Variants in CNTN4 observed in about 807,000 individuals in gnomAD.
CNTN4 encodes contactin 4.
Under a neutral mutation model 122.5 loss-of-function variants are expected in CNTN4, and 77 were observed. That is an observed-to-expected ratio of 0.63 (90% CI 0.52 to 0.76). The LOEUF is 0.76. Among genes scored for constraint, CNTN4 ranks in the 30% least tolerant of loss-of-function variants. The pLI, the probability that CNTN4 is intolerant of heterozygous loss-of-function variation, is 0.00. For synonymous variants in CNTN4, 512 were observed against 447.0 expected, an observed-to-expected ratio of 1.15 and a Z score of -1.83; for missense variants, 1,256 against 1,259.1, an observed-to-expected ratio of 1.00 and a Z score of 0.04.
chr3:2,425,474 C>G (rs1337077729), intron 3 of CNTN4, among the ~76,000 whole-genome samples: 1 of 152,112 alleles, frequency 6.6e-6, no homozygotes, highest in Non-Finnish European at 1.5e-5. Flanking sequence ...GTTACTGTAG[C>G]CTTGTAGTAT....
At chr3:3,047,454 G>A (rs968811372) in intron 23 of CNTN4, among the ~76,000 whole-genome samples, 5 of 151,882 alleles carry the variant, frequency 3.3e-5, no homozygotes, top group African/African-American at 1.2e-4. Flanking sequence ...GATCAAACTA[G>A]AACTCAGGAT....
At chr3:2,415,745 A>G (rs913757120) in intron 3 of CNTN4, among the ~76,000 whole-genome samples, 38 of 152,104 alleles carry the variant, frequency 2.5e-4, no homozygotes, top group African/African-American at 8.7e-4. Flanking sequence ...CTAAACAATA[A>G]AGTACTCCAT....
intron 3 of CNTN4, among the ~76,000 whole-genome samples, chr3:2,448,090 T>G (rs1354615010): frequency 6.6e-6 from 1 of 152,102 alleles, no homozygotes; most frequent in African/African-American, 2.4e-5. Context: ...TTGTGCCTGG[T>G]GGGATCATGG....
intron 13 of CNTN4, among the ~76,000 whole-genome samples, chr3:2,961,247 A>AAAAAAAAAAAAAAAAAAAAAAAAAAAT (rs2094855798): frequency 6.8e-6 from 1 of 147,710 alleles, no homozygotes. Flanking sequence ...AAAAAAAAAA[A>AAAAAAAAAAAAAAAAAAAAAAAAAAAT]AAAGGCCTAC....
At chr3:2,184,923 T>A (rs1260280344) in intron 2 of CNTN4, among the ~76,000 whole-genome samples, 2 of 152,190 alleles carry the variant, frequency 1.3e-5, no homozygotes, top group Non-Finnish European at 2.9e-5. Context: ...AAAATTCAGG[T>A]CCTCAAAATC....
chr3:2,749,744 C>A (rs903288377), intron 6 of CNTN4, among the ~76,000 whole-genome samples: 1 of 152,080 alleles, frequency 6.6e-6, no homozygotes, highest in African/African-American at 2.4e-5. Flanking sequence ...TGGAGTTTAT[C>A]TTTTTGATCA....
intron 4 of CNTN4, among the ~76,000 whole-genome samples, chr3:2,670,163 C>A (rs1446371425): frequency 6.6e-6 from 1 of 152,138 alleles, no homozygotes; most frequent in African/African-American, 2.4e-5. Context: ...CTTTCTGTCT[C>A]ATTGATCTGT....
intron 2 of CNTN4, among the ~76,000 whole-genome samples, chr3:2,197,268 G>A (rs371422653): frequency 6.6e-6 from 1 of 152,150 alleles, no homozygotes; most frequent in Non-Finnish European, 1.5e-5. Context: ...GATTCATCCT[G>A]TGTATGTAGT....
At chr3:2,982,051 A>G (rs2125215352) in intron 13 of CNTN4, among the ~76,000 whole-genome samples, 1 of 152,340 alleles carries the variant, frequency 6.6e-6, no homozygotes, top group South Asian at 2.1e-4. Flanking sequence ...AAACAAAAAA[A>G]TCACATAAAA....
intron 3 of CNTN4, among the ~76,000 whole-genome samples, chr3:2,359,199 C>G (rs534027101): frequency 6.6e-6 from 1 of 152,222 alleles, no homozygotes; most frequent in African/African-American, 2.4e-5. Context: ...TACATCTGCA[C>G]CATTTAATTA....
At chr3:2,626,285 A>C (rs2082182347) in intron 4 of CNTN4, among the ~76,000 whole-genome samples, 1 of 152,110 alleles carries the variant, frequency 6.6e-6, no homozygotes, top group Admixed American at 6.6e-5. Flanking sequence ...TGAGGTCAGG[A>C]GATCGAGACC....
At chr3:2,350,503 C>A (rs957107422) in intron 3 of CNTN4, among the ~76,000 whole-genome samples, 25 of 151,920 alleles carry the variant, frequency 1.6e-4, no homozygotes, top group African/African-American at 3.6e-4. Flanking sequence ...ACAAAAGGGC[C>A]AGGAAATTGC....
chr3:2,536,259 C>G (rs1020573092), intron 3 of CNTN4, among the ~76,000 whole-genome samples: 1 of 152,166 alleles, frequency 6.6e-6, no homozygotes, highest in East Asian at 1.9e-4. Flanking sequence ...CAAAGTTCAA[C>G]TGGATGGAAA....
chr3:2,327,932 C>G (rs1002800958), intron 2 of CNTN4, among the ~76,000 whole-genome samples: 3 of 152,204 alleles, frequency 2.0e-5, no homozygotes, highest in African/African-American at 7.2e-5. Flanking sequence ...CCCCTCACCC[C>G]TTCCCCACTG....
At chr3:2,390,368 G>T (rs960103116) in intron 3 of CNTN4, among the ~76,000 whole-genome samples, 1 of 151,934 alleles carries the variant, frequency 6.6e-6, no homozygotes, top group African/African-American at 2.4e-5. Context: ...AGTCTGAAAT[G>T]ATCATAAAAG....
At chr3:2,884,861 T>C (rs1014325644) in intron 9 of CNTN4, among the ~76,000 whole-genome samples, 1 of 152,222 alleles carries the variant, frequency 6.6e-6, no homozygotes, top group South Asian at 2.1e-4. Context: ...TTCTTCAGTC[T>C]ACACAGAAAT....
intron 6 of CNTN4, among the ~76,000 whole-genome samples, chr3:2,815,172 C>G (rs868847675): frequency 8.5e-5 from 13 of 152,150 alleles, no homozygotes; most frequent in African/African-American, 2.7e-4. Context: ...TGGACATTGG[C>G]TTAGGCAAGG....
At position 2,843,093 on chromosome 3, in the gene CNTN4, C is replaced by T. The variant is rs375199042; in HGVS notation, c.454+23512C>T. 2.6e-4 allele frequency among the ~76,000 whole-genome samples: 39 copies of T among 152,260 alleles called. No homozygotes were observed. The South Asian group carries it at 7.7e-3, about 30-fold the overall frequency. On this transcript the variant is annotated intron_variant, in intron 7 of 24. Transcript: ENST00000418658. ...TATCCATTTCCTGCTCATCTTCTCA[C>T]GTGGTTGTCCAGTAGGCATCTCAAA...
chr3:2,547,262 T>C (rs2078285711), intron 3 of CNTN4, among the ~76,000 whole-genome samples: 1 of 149,748 alleles, frequency 6.7e-6, no homozygotes, highest in Admixed American at 6.7e-5. Context: ...ATTTATTTAT[T>C]TATTTATTTA....
Sources: allele counts gnomAD v4.1 joint callset (sites outside exome capture counted in the v4.1 genomes callset), GRCh38; gene constraint gnomAD v4.1.1; transcripts MANE v1.5; gene names NCBI Gene and HGNC (gene_info 2026-07-23, HGNC 2026-07-21).